The following DPP9 variants were observed in gnomAD, a reference collection of about 807,000 sequenced individuals.
DPP9 encodes dipeptidyl peptidase IV-related protein-2.
DPP9 carries 50 observed loss-of-function variants against 110.7 expected under a neutral mutation model. The observed-to-expected ratio is 0.45, with a 90% confidence interval of 0.36 to 0.57. The LOEUF (loss-of-function observed/expected upper bound fraction) is 0.57. Ranked by LOEUF, DPP9 falls within the 20% of genes least tolerant of loss-of-function variation. The pLI is 0.00. For synonymous variants in DPP9, 561 were observed against 514.4 expected (o/e 1.09, Z -1.23); for missense variants, 1,022 against 1,217.9 (o/e 0.84, Z 2.39).
At position 4,714,210 on chromosome 19, in the gene DPP9, C is replaced by T. The variant is rs764026285; in HGVS notation, c.184G>A (p.Gly62Arg). The change falls in exon 4 of 22, where the codon GGG (glycine) becomes AGG (arginine). Residue 62 changes from glycine to arginine, a missense_variant. Around this residue, in one of 3 missense-constraint regions of DPP9, gnomAD observed 810 missense variants for 920.6 expected, o/e 0.88. Transcript: ENST00000262960. ...CTGCCGTGGATGATGCTCCGGAGCC[C>T]GTCCCACGAGTGCTTCTGCACCTGG... ...RFQVQKHSWD[G>R]LRSIIHGSRK... 5.6e-6 allele frequency: 9 copies of T among 1,605,786 alleles called. No individual in the cohort carries two copies. Among genetic ancestry groups the T allele is most frequent in the African/African-American group, 4.0e-5 (3 of 74,748 alleles).
In DPP9 at chr19:4,694,228, G is replaced by C. The variant is rs2091583607; in HGVS notation, c.1516+433C>G. 1 of 265,602 alleles carries C rather than the reference G, an allele frequency of 3.8e-6. No individual in the cohort carries two copies. The highest frequency in any genetic ancestry group is 5.2e-5 in the Admixed American group (1 of 19,126). 16.5% of individuals were successfully genotyped at this position (265,602 alleles called of 1,614,324 possible). A position where few individuals can be genotyped will look rare whatever the true frequency, so the allele number is the denominator to read the frequency against. On this transcript the variant is annotated intron_variant, in intron 13 of 21. Coordinates refer to ENST00000262960, the MANE Select transcript of DPP9 (RefSeq NM_139159.5). This position sits in a 1 kb window ranked among gnomAD's most constrained non-coding sequence, Gnocchi z 4.0. ...TGGCAAATGTTTCTACAAAGGGCTA[G>C]ACAGTAAATCTTGGCCTTGCACAAC...
At chr19:4,699,368 C>G (rs904635677) in intron 10 of DPP9, among the ~76,000 whole-genome samples, 1 of 151,988 alleles carries the variant, frequency 6.6e-6, no homozygotes, top group African/African-American at 2.4e-5. Context: ...TGGCCCAGGG[C>G]TCTGTCTGCG....
rs2088818693 is a variant in DPP9 at position 4,676,223 on chromosome 19, C to T, written c.*341G>A. On this transcript the variant is annotated 3_prime_UTR_variant, in exon 22 of 22. Coordinates refer to ENST00000262960, the MANE Select transcript of DPP9 (RefSeq NM_139159.5). The surrounding 1 kb of genome is among the most constrained non-coding windows in gnomAD (Gnocchi z 4.0). ...GGGACTGAGAGGTCACAGGGAGCCCCAGGCGGAAGGCAGCCCGCTCCTCTG... is the reference window on the plus strand; with the variant it reads ...GGGACTGAGAGGTCACAGGGAGCCCTAGGCGGAAGGCAGCCCGCTCCTCTG... 1 of 289,294 alleles carries T rather than the reference C, an allele frequency of 3.5e-6. No individual in the cohort carries two copies. Among genetic ancestry groups the T allele is most frequent in the African/African-American group, 2.2e-5 (1 of 45,798 alleles). 17.9% of individuals were successfully genotyped at this position (289,294 alleles called of 1,614,324 possible). A position where few individuals can be genotyped will look rare whatever the true frequency, so the allele number is the denominator to read the frequency against.
Position 4,687,830 on chromosome 19 carries a change from C to T in DPP9, c.1885+927G>A, listed in dbSNP as rs1375312544. On this transcript the variant is annotated intron_variant, in intron 16 of 21. Transcript: ENST00000262960. The surrounding 1 kb of genome is among the most constrained non-coding windows in gnomAD (Gnocchi z 4.7). ...TTTTTTTTTTTGAGACGGAGTCTCG[C>T]TCTGTCGCCCAGGCTAAAGTACAGT... 6.6e-6 allele frequency among the ~76,000 whole-genome samples: 1 copy of T among 152,142 alleles called. No homozygotes were observed. The highest frequency in any genetic ancestry group is 2.4e-5 in the African/African-American group (1 of 41,446).
At chr19:4,715,009 T>C (rs1239547444) in intron 3 of DPP9, among the ~76,000 whole-genome samples, 1 of 142,570 alleles carries the variant, frequency 7.0e-6, no homozygotes, top group East Asian at 2.0e-4. Flanking sequence ...TATATGTTTA[T>C]ATATATATAC....
chr19:4,707,761 G>A (rs186526262), intron 4 of DPP9, among the ~76,000 whole-genome samples: 40 of 151,790 alleles, frequency 2.6e-4, no homozygotes, highest in African/African-American at 8.2e-4. Flanking sequence ...GAGTAGCTGG[G>A]ATTACAGGCG....
intron 10 of DPP9, among the ~76,000 whole-genome samples, chr19:4,699,429 T>C (rs1273321239): frequency 2.0e-5 from 3 of 152,070 alleles, no homozygotes; most frequent in South Asian, 2.1e-4. Context: ...CTGGGTCTTA[T>C]GGGATTTGCA....
rs1472816855 is a variant in DPP9, at chr19:4,704,856, G to A, written c.427-552C>T. ...TCTACTAAAAATACAAAAATTAGCC[G>A]GGTGTGGTGGCACGCGCCTGTAGTC... On this transcript the variant is annotated intron_variant, in intron 5 of 21. Coordinates refer to ENST00000262960, the MANE Select transcript of DPP9 (RefSeq NM_139159.5). The surrounding 1 kb of genome is among the most constrained non-coding windows in gnomAD (Gnocchi z 6.0). Among the ~76,000 whole-genome samples the A allele has an allele frequency of 3.9e-5, 6 of 152,244 alleles. No homozygotes were observed. The South Asian group carries it at 8.3e-4, about 21-fold the overall frequency.
intron 4 of DPP9, among the ~76,000 whole-genome samples, chr19:4,708,234 T>C (rs1345298452): frequency 3.3e-5 from 5 of 152,066 alleles, no homozygotes; most frequent in Admixed American, 6.6e-5. Context: ...ATAAACTCCA[T>C]ACCCTGACCC....
At chr19:4,713,144 C>T (rs182085783) in intron 4 of DPP9, among the ~76,000 whole-genome samples, 55 of 152,336 alleles carry the variant, frequency 3.6e-4, no homozygotes, top group African/African-American at 5.1e-4. Context: ...CTGCAGTGGC[C>T]GGACGGCCCC....
At position 4,714,210 on chromosome 19, in the gene DPP9, C is replaced by A; in HGVS notation, c.184G>T (p.Gly62Trp). 6.2e-7 allele frequency: 1 copy of A among 1,605,904 alleles called. No homozygotes were observed. Among genetic ancestry groups the A allele is most frequent in the Non-Finnish European group, 8.5e-7 (1 of 1,176,660 alleles). ...CTGCCGTGGATGATGCTCCGGAGCC[C>A]GTCCCACGAGTGCTTCTGCACCTGG... ...RFQVQKHSWD[G>W]LRSIIHGSRK... The change falls in exon 4 of 22, where the codon GGG becomes TGG. Residue 62 changes from glycine to tryptophan, a missense_variant. Physicochemically the swap from Gly to Trp is radical, Grantham distance 184. Transcript: ENST00000262960.
In DPP9 at chr19:4,684,563, G is replaced by A. The variant is rs933361639; in HGVS notation, c.2178+100C>T. The stretch of plus-strand genomic sequence containing the variant: ...ACCCCAGCCAGAAGTGCCCTTCTGC[G>A]GGTGGTATTCCAGAGCCGCTCCCAT... On this transcript the variant is annotated intron_variant, in intron 18 of 21. Transcript: ENST00000262960. This position sits in a 1 kb window ranked among gnomAD's most constrained non-coding sequence, Gnocchi z 4.8. 1.1e-5 allele frequency: 16 copies of A among 1,400,886 alleles called. No homozygotes were observed. In the Admixed American group the frequency reaches 1.6e-4, roughly 14 times the overall value. 86.8% of individuals were successfully genotyped at this position (1,400,886 alleles called of 1,614,324 possible). A position where few individuals can be genotyped will look rare whatever the true frequency, so the allele number is the denominator to read the frequency against.
At chr19:4,702,204 C>T in intron 8 of DPP9, 49 bp from the exon 9 acceptor site, 1 of 1,571,866 alleles carries the variant, frequency 6.4e-7, no homozygotes, top group Non-Finnish European at 8.6e-7. Context: ...AGGCAGAGTC[C>T]CTGCCATCAG....
At position 4,676,700 on chromosome 19, in the gene DPP9, AC is replaced by A. The variant is rs772056361; in HGVS notation, c.2587-45del. On this transcript the variant is annotated intron_variant, in intron 21 of 21. Coordinates refer to ENST00000262960, the MANE Select transcript of DPP9 (RefSeq NM_139159.5). This position sits in a 1 kb window ranked among gnomAD's most constrained non-coding sequence, Gnocchi z 4.0. ...CAGGGCTGGGGGGCGTGGCCGGACC[AC>A]CCCCGTGTCCTAGGCTCCTCCCTTA... 8.7e-6 allele frequency: 13 copies of A among 1,490,406 alleles called. No individual in the cohort carries two copies. The African/African-American group carries it at 9.7e-5, about 11-fold the overall frequency. 92.3% of individuals were successfully genotyped at this position (1,490,406 alleles called of 1,614,324 possible). A position where few individuals can be genotyped will look rare whatever the true frequency, so the allele number is the denominator to read the frequency against.
chr19:4,683,252 T>G, intron 19 of DPP9: 1 of 1,429,816 alleles, frequency 7.0e-7, no homozygotes. Flanking sequence ...TGGCGGGGTT[T>G]TGTGCAGCCG....
chr19:4,701,043 A>C (rs1405909873), intron 9 of DPP9, among the ~76,000 whole-genome samples: 1 of 152,226 alleles, frequency 6.6e-6, no homozygotes, highest in Non-Finnish European at 1.5e-5. Flanking sequence ...GCACTCGCGG[A>C]GTATGGGCAA....
rs774917666 is a variant in DPP9 at position 4,676,904 on chromosome 19, C to A, written c.2587-248G>T. ...AAGACAAAGTTTACAAAACGCCTTG[C>A]GGTGTGCACGCGCTTGCACAGAGGA... On this transcript the variant is annotated intron_variant, in intron 21 of 21. Coordinates refer to ENST00000262960, the MANE Select transcript of DPP9 (RefSeq NM_139159.5). This position sits in a 1 kb window ranked among gnomAD's most constrained non-coding sequence, Gnocchi z 4.0. Among the ~76,000 whole-genome samples the A allele has an allele frequency of 2.0e-5, 3 of 152,180 alleles. No homozygotes were observed. The highest frequency in any genetic ancestry group is 4.4e-5 in the Non-Finnish European group (3 of 68,036).
Position 4,695,621 on chromosome 19 carries a change from G to A in DPP9, c.1176-66C>T. 7.5e-7 allele frequency: 1 copy of A among 1,341,986 alleles called. No individual in the cohort carries two copies. Among genetic ancestry groups the A allele is most frequent in the Non-Finnish European group, 9.8e-7 (1 of 1,016,820 alleles). The allele number at this position is 1,341,986 out of a possible 1,614,324, so 83.1% of individuals were successfully genotyped here. On this transcript the variant is annotated intron_variant, in intron 11 of 21. Transcript: ENST00000262960. This position sits in a 1 kb window ranked among gnomAD's most constrained non-coding sequence, Gnocchi z 4.7. ...GAGCCTCAGTGGCCTGCACAGAGAA[G>A]CTGGGGACGCAGCGTCCAAACCCGT...
In DPP9 at chr19:4,704,455, C is replaced by T. The variant is rs1484764163; in HGVS notation, c.427-151G>A. Among the ~76,000 whole-genome samples, 1 of 152,182 alleles carries T rather than the reference C, an allele frequency of 6.6e-6. No individual in the cohort carries two copies. Among genetic ancestry groups the T allele is most frequent in the Non-Finnish European group, 1.5e-5 (1 of 67,998 alleles). ...TTCCTGTACTGGGCAGAATTGGCTGCCGGAGCCCTTGACACAGTGGGTGGC... is the reference window on the plus strand; with the variant it reads ...TTCCTGTACTGGGCAGAATTGGCTGTCGGAGCCCTTGACACAGTGGGTGGC... On this transcript the variant is annotated intron_variant, in intron 5 of 21. Coordinates refer to ENST00000262960, the MANE Select transcript of DPP9 (RefSeq NM_139159.5). This position sits in a 1 kb window ranked among gnomAD's most constrained non-coding sequence, Gnocchi z 6.0.
Sources: allele counts gnomAD v4.1 joint callset (sites outside exome capture counted in the v4.1 genomes callset), GRCh38; gene constraint gnomAD v4.1.1; regional missense constraint gnomAD v4.1.1; non-coding constraint Gnocchi (gnomAD v3.1); transcripts MANE v1.5; gene names NCBI Gene and HGNC (gene_info 2026-07-23, HGNC 2026-07-21).